The following TMEM9B variants were observed in gnomAD, a reference collection of about 807,000 sequenced individuals.
TMEM9B encodes the protein TMEM9 domain family member B.
TMEM9B carries 8 observed loss-of-function variants against 23.5 expected under a neutral mutation model. That is an observed-to-expected ratio of 0.34 (90% CI 0.20 to 0.61). TMEM9B has a LOEUF of 0.61. TMEM9B is among the 20% of genes least tolerant of loss of function. The pLI is 0.78. For synonymous variants in TMEM9B, 106 were observed against 96.3 expected (o/e 1.10, Z -0.59); for missense variants, 197 against 252.3 (o/e 0.78, Z 1.49).
chr11:8,955,150 C>CAAAA (rs10666258), intron 3 of TMEM9B, among the ~76,000 whole-genome samples: 72,045 of 127,042 alleles, frequency 0.57, 20,352 homozygotes, highest in East Asian at 0.74. Context: ...GACTCCATCT[C>CAAAA]AAAAAAAAAA....
chr11:8,962,751 T>G (rs1055207346), intron 1 of TMEM9B: 1 of 152,314 alleles, frequency 6.6e-6, no homozygotes, highest in African/African-American at 2.4e-5. Context: ...ATCAGTTTAG[T>G]ATACTCTTCC....
Position 8,955,792 on chromosome 11 carries a change from T to A in TMEM9B, c.306+398A>T, listed in dbSNP as rs76781304. On this transcript the variant is annotated intron_variant, in intron 3 of 4. Coordinates refer to ENST00000534025, the MANE Select transcript of TMEM9B (RefSeq NM_020644.3). Reference sequence around the variant, plus strand: ...CTGTGGCCTGGGGGCTGGGGACCACTGTCCTACAGGAAATGAAGAGGGGAA... The same window carrying A: ...CTGTGGCCTGGGGGCTGGGGACCACAGTCCTACAGGAAATGAAGAGGGGAA... 6.1e-3 allele frequency among the ~76,000 whole-genome samples: 923 copies of A among 152,290 alleles called. 8 individuals carry two copies. The highest frequency in any genetic ancestry group is 0.021 in the African/African-American group (861 of 41,554).
At chr11:8,948,918 A>C (rs1853826390) in intron 4 of TMEM9B, among the ~76,000 whole-genome samples, 1 of 152,172 alleles carries the variant, frequency 6.6e-6, no homozygotes, top group African/African-American at 2.4e-5. Context: ...GGCAGAGGAA[A>C]GATCTGTCTT....
At position 8,948,187 on chromosome 11, in the gene TMEM9B, G is replaced by T; in HGVS notation, c.*133C>A. 2 of 1,150,330 alleles carry T rather than the reference G, an allele frequency of 1.7e-6. No individual in the cohort carries two copies. Among genetic ancestry groups the T allele is most frequent in the Non-Finnish European group, 2.4e-6 (2 of 828,288 alleles). 71.3% of individuals were successfully genotyped at this position (1,150,330 alleles called of 1,614,324 possible). Reference sequence around the variant, plus strand: ...AGAAAAAAAAATCAAGCAAGTTTTTGCTTCCAGTTTTGAATCTTCCAGCAA... The same window carrying T: ...AGAAAAAAAAATCAAGCAAGTTTTTTCTTCCAGTTTTGAATCTTCCAGCAA... On this transcript the variant is annotated 3_prime_UTR_variant, in exon 5 of 5. Transcript: ENST00000534025.
At chr11:8,954,920 A>C (rs1853945783) in intron 3 of TMEM9B, among the ~76,000 whole-genome samples, 1 of 152,118 alleles carries the variant, frequency 6.6e-6, no homozygotes, top group South Asian at 2.1e-4. Flanking sequence ...TGGGAGGCCA[A>C]GATGGGTGGA....
chr11:8,951,181 G>A (rs1394454949), intron 4 of TMEM9B, among the ~76,000 whole-genome samples: 1 of 152,116 alleles, frequency 6.6e-6, no homozygotes, highest in Non-Finnish European at 1.5e-5. Flanking sequence ...TATGTTTTGT[G>A]TTATTATATT....
chr11:8,964,501 C>T (rs2568091), upstream of TMEM9B: 102 of 1,409,018 alleles, frequency 7.2e-5, no homozygotes, highest in Non-Finnish European at 9.0e-5. Flanking sequence ...CGCCCCGGAA[C>T]CGGTTACCAG....
chr11:8,956,962 C>A (rs1853985902), intron 2 of TMEM9B, among the ~76,000 whole-genome samples: 1 of 152,196 alleles, frequency 6.6e-6, no homozygotes, highest in Admixed American at 6.5e-5. Context: ...TCAAGTGATC[C>A]TCCTATCTTG....
chr11:8,951,987 T>C (rs1250217714), intron 4 of TMEM9B, among the ~76,000 whole-genome samples: 1 of 151,724 alleles, frequency 6.6e-6, no homozygotes, highest in African/African-American at 2.4e-5. Flanking sequence ...CAGGTGCCTG[T>C]AGAACCAGCT....
In TMEM9B at chr11:8,962,152, C is replaced by A; in HGVS notation, c.137G>T (p.Cys46Phe). ...CCCAGAATTTTCTTTATAGGGAGGG[C>A]AGATACATTTACATCTGACATCCTC... Reference protein sequence around the residue: ...NFEDVRCKCICPPYKENSGHI... With the variant: ...NFEDVRCKCIFPPYKENSGHI... Residue 46 changes from cysteine to phenylalanine, a missense_variant, in exon 2 of 5, where the codon TGC (cysteine) becomes TTC (phenylalanine). Physicochemically the swap from Cys to Phe is radical, Grantham distance 205. Transcript: ENST00000534025. The A allele has an allele frequency of 6.2e-7, 1 of 1,604,870 alleles. No homozygotes were observed. Among genetic ancestry groups the A allele is most frequent in the Non-Finnish European group, 8.5e-7 (1 of 1,176,910 alleles).
intron 2 of TMEM9B, among the ~76,000 whole-genome samples, chr11:8,961,547 T>C (rs1156499139): frequency 1.3e-5 from 2 of 152,232 alleles, no homozygotes; most frequent in Non-Finnish European, 2.9e-5. Context: ...CAGGCCTGCC[T>C]GACTGCCCAA....
Position 8,953,213 on chromosome 11 carries a change from T to C in TMEM9B, c.431A>G (p.Asp144Gly). ...FGHAQLIQSD[D>G]DIGDHQPFAN... ...AGGCTGGGAACTTACCCCAATATCA[T>C]CATCACTCTGTATCAACTGTGCATG... The change falls in exon 4 of 5, where the codon GAT becomes GGT. Residue 144 changes from aspartate to glycine, a missense_variant. Asp to Gly is a moderately conservative substitution (Grantham distance 94). Transcript: ENST00000534025. 6.2e-7 allele frequency: 1 copy of C among 1,614,160 alleles called. No homozygotes were observed. The highest frequency in any genetic ancestry group is 1.3e-5 in the African/African-American group (1 of 75,030).
At position 8,963,292 on chromosome 11, in the gene TMEM9B, C is replaced by T. The variant is rs530447033; in HGVS notation, c.105+917G>A. Among the ~76,000 whole-genome samples the T allele has an allele frequency of 2.0e-5, 3 of 152,304 alleles. No homozygotes were observed. In the South Asian group the frequency reaches 6.2e-4, roughly 32 times the overall value. ...AACATTTGCCTGCCTGTAACCTTTC[C>T]CCACTCCTACATTTAAAGATATTAT... On this transcript the variant is annotated intron_variant, in intron 1 of 4. Coordinates refer to ENST00000534025, the MANE Select transcript of TMEM9B (RefSeq NM_020644.3).
chr11:8,960,712 C>T (rs1270685076), intron 2 of TMEM9B, among the ~76,000 whole-genome samples: 7 of 149,216 alleles, frequency 4.7e-5, no homozygotes, highest in Admixed American at 2.0e-4. Flanking sequence ...GCTAGGGTCT[C>T]GCTCTGTCAC....
At chr11:8,948,530 G>C in intron 4 of TMEM9B, 55 bp from the exon 5 acceptor site, 1 of 1,574,554 alleles carries the variant, frequency 6.4e-7, no homozygotes, top group Non-Finnish European at 8.6e-7. Flanking sequence ...GTAAAACATA[G>C]ACACACAACA....
At chr11:8,953,655 C>T (rs1291879434) in intron 3 of TMEM9B, among the ~76,000 whole-genome samples, 3 of 152,180 alleles carry the variant, frequency 2.0e-5, no homozygotes. Context: ...TACTCTTTAG[C>T]TCAATTTAGA....
At chr11:8,949,395 A>T (rs1050425070) in intron 4 of TMEM9B, among the ~76,000 whole-genome samples, 11 of 152,210 alleles carry the variant, frequency 7.2e-5, no homozygotes, top group Non-Finnish European at 1.2e-4. Context: ...ATAGTAATTT[A>T]TTGCTTTTGT....
At position 8,964,279 on chromosome 11, in the gene TMEM9B, C is replaced by T; in HGVS notation, c.35G>A (p.Gly12Asp). 1 of 1,594,368 alleles carries T rather than the reference C, an allele frequency of 6.3e-7. No individual in the cohort carries two copies. The highest frequency in any genetic ancestry group is 8.5e-7 in the Non-Finnish European group (1 of 1,171,330). The change falls in exon 1 of 5, where the codon GGC (glycine) becomes GAC (aspartate). Residue 12 changes from glycine (G) to aspartate (D), a missense_variant. Transcript: ENST00000534025. ...CAGGCACGACAGGCTGAGCAAGGAG[C>T]CAAGCCGAAGAAGGCCTCCCCACAG... The part of the protein sequence containing the change: ...ATLWGGLLRL[G>D]SLLSLSCLAL...
chr11:8,962,191 C>A lies in TMEM9B; in HGVS notation c.106-8G>T. 1 of 1,581,770 alleles carries A rather than the reference C, an allele frequency of 6.3e-7. No individual in the cohort carries two copies. Among genetic ancestry groups the A allele is most frequent in the Non-Finnish European group, 8.6e-7 (1 of 1,159,964 alleles). ...TCTGACATCCTCGAAATTCTGTAAC[C>A]AAAATGGAAACAGTATAGTGCGTTG... On this transcript the variant is annotated splice_polypyrimidine_tract_variant and splice_region_variant and intron_variant, in intron 1 of 4. Transcript: ENST00000534025.
Sources: allele counts gnomAD v4.1 joint callset (sites outside exome capture counted in the v4.1 genomes callset), GRCh38; gene constraint gnomAD v4.1.1; transcripts MANE v1.5; gene names NCBI Gene and HGNC (gene_info 2026-07-23, HGNC 2026-07-21).